PLCE1: variants seen among roughly 807,000 people sequenced by gnomAD.
The protein encoded by PLCE1 is 1-phosphatidylinositol 4,5-bisphosphate phosphodiesterase epsilon-1.
In PLCE1, 119 loss-of-function variants were observed where a neutral mutation model predicts 242.8. The observed-to-expected ratio is 0.49, with a 90% confidence interval of 0.42 to 0.57. The LOEUF is 0.57. Among genes scored for constraint, PLCE1 ranks in the 20% least tolerant of loss-of-function variants. PLCE1 has a pLI of 0.00. For missense variants in PLCE1, 2,441 were observed against 2,788.8 expected, an observed-to-expected ratio of 0.88 and a Z score of 2.81; for synonymous variants, 945 against 1,017.4, an observed-to-expected ratio of 0.93 and a Z score of 1.35.
intron 4 of PLCE1, among the ~76,000 whole-genome samples, chr10:94,213,907 AAGAGACTTTAT>A (rs112428195): frequency 0.027 from 4,078 of 152,256 alleles, 101 homozygotes; most frequent in African/African-American, 0.073. Context: ...TATGAATATA[AAGAGACTTTAT>A]ATTTATCATC....
At chr10:94,034,889 A>G (rs1346113658) in intron 2 of PLCE1, among the ~76,000 whole-genome samples, 1 of 152,238 alleles carries the variant, frequency 6.6e-6, no homozygotes, top group African/African-American at 2.4e-5. Flanking sequence ...TCCCTAAAAA[A>G]GACACTGCTT....
At chr10:94,131,321 G>A (rs553693458) in intron 2 of PLCE1, among the ~76,000 whole-genome samples, 45 of 152,120 alleles carry the variant, frequency 3.0e-4, no homozygotes, top group African/African-American at 9.9e-4. Flanking sequence ...AGGCCTCATC[G>A]AAGATTGTGA....
chr10:94,271,306 C>CTTTTT (rs35048796), intron 18 of PLCE1, among the ~76,000 whole-genome samples: 4 of 73,262 alleles, frequency 5.5e-5, no homozygotes, highest in Admixed American at 1.5e-4. Flanking sequence ...AGAAGATCAT[C>CTTTTT]TTTTTTTTTT....
intron 13 of PLCE1, among the ~76,000 whole-genome samples, chr10:94,260,353 A>C (rs1479558737): frequency 1.3e-5 from 2 of 151,922 alleles, no homozygotes; most frequent in African/African-American, 4.8e-5. Flanking sequence ...TACTATCACC[A>C]CCCATGCATT....
chr10:94,318,374 C>G (rs2053648709), intron 29 of PLCE1, among the ~76,000 whole-genome samples: 1 of 152,206 alleles, frequency 6.6e-6, no homozygotes, highest in South Asian at 2.1e-4. Flanking sequence ...TATGTATCCT[C>G]TAAGCGATGT....
At chr10:94,091,406 C>T (rs1467968392) in intron 2 of PLCE1, among the ~76,000 whole-genome samples, 1 of 152,124 alleles carries the variant, frequency 6.6e-6, no homozygotes, top group African/African-American at 2.4e-5. Flanking sequence ...CTTTCGTATG[C>T]CTAAGCAACA....
chr10:94,196,255 G>A (rs1013699056), intron 4 of PLCE1, among the ~76,000 whole-genome samples: 9 of 152,120 alleles, frequency 5.9e-5, no homozygotes, highest in Non-Finnish European at 1.3e-4. Flanking sequence ...GCCTTCTATA[G>A]GGTGAGGGTT....
chr10:94,065,754 G>GACC (rs2044179048), intron 2 of PLCE1, among the ~76,000 whole-genome samples: 1 of 152,202 alleles, frequency 6.6e-6, no homozygotes, highest in African/African-American at 2.4e-5. Context: ...TCAGGGAGGA[G>GACC]TAGGACCATT....
chr10:94,047,707 C>T (rs746207824), intron 2 of PLCE1, among the ~76,000 whole-genome samples: 5 of 151,912 alleles, frequency 3.3e-5, no homozygotes, highest in Admixed American at 2.6e-4. Flanking sequence ...AAATAAGCAC[C>T]GATGAACTTA....
chr10:94,264,472 A>T (rs2051433759), intron 14 of PLCE1, among the ~76,000 whole-genome samples: 1 of 148,510 alleles, frequency 6.7e-6, no homozygotes, highest in Non-Finnish European at 1.5e-5. Context: ...GTGAAATGGG[A>T]TACCACTGAA....
At chr10:94,192,285 T>C (rs571636433) in intron 4 of PLCE1, among the ~76,000 whole-genome samples, 1 of 152,316 alleles carries the variant, frequency 6.6e-6, no homozygotes, top group Admixed American at 6.5e-5. Context: ...AATGATCCTG[T>C]CACCCAGGTA....
chr10:94,187,647 A>G (rs958449263), intron 4 of PLCE1, among the ~76,000 whole-genome samples: 2 of 152,162 alleles, frequency 1.3e-5, no homozygotes, highest in Non-Finnish European at 2.9e-5. Flanking sequence ...GGGAAGGAGC[A>G]GGGAAAGAAT....
Position 94,327,983 on chromosome 10 carries a change from C to T in PLCE1, c.*40C>T. The stretch of plus-strand genomic sequence containing the variant: ...AACATTACAGGTGAAGATCTTTAAG[C>T]AAGAAGTTAAAGAGTGAACATGGTG... On this transcript the variant is annotated 3_prime_UTR_variant, in exon 33 of 33. Coordinates refer to ENST00000371380, the MANE Select transcript of PLCE1 (RefSeq NM_016341.4). 1.9e-6 allele frequency: 1 copy of T among 532,392 alleles called. No individual in the cohort carries two copies. The highest frequency in any genetic ancestry group is 3.9e-6 in the Non-Finnish European group (1 of 259,492). The allele number at this position is 532,392 out of a possible 1,614,324, so 33.0% of individuals were successfully genotyped here.
chr10:94,026,810 G>A (rs1049741252), intron 1 of PLCE1, among the ~76,000 whole-genome samples: 14 of 152,302 alleles, frequency 9.2e-5, no homozygotes, highest in African/African-American at 3.4e-4. Context: ...TGGACCTAGT[G>A]AAGGGTGTGT....
intron 1 of PLCE1, among the ~76,000 whole-genome samples, chr10:94,009,763 A>G (rs829229): frequency 0.51 from 77,466 of 152,208 alleles, 20,259 homozygotes; most frequent in East Asian, 0.74. Context: ...TTAAAGCTCC[A>G]ATATAATCCT....
At position 94,252,370 on chromosome 10, in the gene PLCE1, G is replaced by A. The variant is rs764944510; in HGVS notation, c.3151G>A (p.Gly1051Ser). 1.9e-6 allele frequency: 3 copies of A among 1,614,096 alleles called. No individual in the cohort carries two copies. Among genetic ancestry groups the A allele is most frequent in the Non-Finnish European group, 2.5e-6 (3 of 1,180,006 alleles). The change falls in exon 9 of 33, where the codon GGC (glycine) becomes AGC (serine). Residue 1051 changes from glycine (G) to serine (S), a missense_variant. Physicochemically the swap from Gly to Ser is moderately conservative, Grantham distance 56. This residue lies in a region of PLCE1 where 1,004 missense variants were observed against 1,322.7 expected (regional missense o/e 0.76). Transcript: ENST00000371380. The stretch of plus-strand genomic sequence containing the variant: ...GGCTCACGCTGTGGAGTTGTTTGGT[G>A]GCAGACGGTGGAGTGCTCGAAACCC... Reference protein sequence around the residue: ...TLAHAVELFGGRRWSARNPSP... With the variant: ...TLAHAVELFGSRRWSARNPSP...
intron 3 of PLCE1, 122 bp downstream of exon 3, chr10:94,132,581 C>T (rs1023988260): frequency 7.4e-6 from 7 of 952,010 alleles, no homozygotes; most frequent in South Asian, 1.4e-5. Flanking sequence ...AAGTAAAAGT[C>T]GCTTCTTTAA....
chr10:94,131,916 T>G (rs1416552335), intron 2 of PLCE1, among the ~76,000 whole-genome samples: 1 of 152,228 alleles, frequency 6.6e-6, no homozygotes, highest in East Asian at 1.9e-4. Context: ...AATGTATTTC[T>G]GGTTGGTATG....
chr10:94,305,360 A>C (rs915247386), intron 25 of PLCE1, among the ~76,000 whole-genome samples: 5 of 152,218 alleles, frequency 3.3e-5, no homozygotes, highest in African/African-American at 7.2e-5. Context: ...ACTTGAGTCC[A>C]GAAAGCGGAG....
Sources: allele counts gnomAD v4.1 joint callset (sites outside exome capture counted in the v4.1 genomes callset), GRCh38; gene constraint gnomAD v4.1.1; regional missense constraint gnomAD v4.1.1; transcripts MANE v1.5; gene names NCBI Gene and HGNC (gene_info 2026-07-23, HGNC 2026-07-21).